Variants in INPP5D observed in about 807,000 individuals in gnomAD.
The protein encoded by INPP5D is phosphatidylinositol 3,4,5-trisphosphate 5-phosphatase 1.
A neutral mutation model predicts 122.9 loss-of-function variants in INPP5D; 33 were observed. That is an observed-to-expected ratio of 0.27 (90% CI 0.20 to 0.36). The LOEUF is 0.36. Among genes scored for constraint, INPP5D ranks in the 10% least tolerant of loss-of-function variants. The probability of loss-of-function intolerance (pLI) is 1.00; values close to 1 mark genes in which losing one functional copy is unlikely to be tolerated. For synonymous variants in INPP5D, 584 were observed against 576.2 expected (o/e 1.01, Z -0.19); for missense variants, 1,053 against 1,412.7 (o/e 0.75, Z 4.08).
At chr2:233,192,846 A>G (rs1695087039) in intron 22 of INPP5D, among the ~76,000 whole-genome samples, 1 of 152,234 alleles carries the variant, frequency 6.6e-6, no homozygotes, top group African/African-American at 2.4e-5. Context: ...ACTGATTGCC[A>G]TAAAGGCTGT....
rs1392015709 is a variant in INPP5D, at chr2:233,170,989, C to G, written c.1901-75C>G. On this transcript the variant is annotated intron_variant, in intron 16 of 26. Coordinates refer to ENST00000445964, the MANE Select transcript of INPP5D (RefSeq NM_001017915.3). This position sits in a 1 kb window ranked among gnomAD's most constrained non-coding sequence, Gnocchi z 4.5. ...TCGTCCCCTTTCCCCTGATTTCCTA[C>G]CAGAAGAATAGGGAAAATTGGCCAG... The G allele has an allele frequency of 6.4e-7, 1 of 1,572,554 alleles. No individual in the cohort carries two copies. The highest frequency in any genetic ancestry group is 8.6e-7 in the Non-Finnish European group (1 of 1,157,536).
chr2:233,115,911 A>G (rs553528163), intron 2 of INPP5D, among the ~76,000 whole-genome samples: 2 of 152,286 alleles, frequency 1.3e-5, no homozygotes, highest in African/African-American at 4.8e-5. Context: ...AGGCACAGCA[A>G]CTATGACATG....
In INPP5D at chr2:233,189,838, T is replaced by C. The variant is rs764376478; in HGVS notation, c.2359-12T>C. The C allele has an allele frequency of 7.4e-6, 12 of 1,612,494 alleles. No individual in the cohort carries two copies. Among genetic ancestry groups the C allele is most frequent in the Non-Finnish European group, 1.0e-5 (12 of 1,179,180 alleles). ...GCCCATCAACTCCAGTCCTGTGCCCTTCTCTCTGCAGCTGAAGCCCATTAT... is the reference window on the plus strand; with the variant it reads ...GCCCATCAACTCCAGTCCTGTGCCCCTCTCTCTGCAGCTGAAGCCCATTAT... On this transcript the variant is annotated splice_polypyrimidine_tract_variant and intron_variant, in intron 21 of 26. Coordinates refer to ENST00000445964, the MANE Select transcript of INPP5D (RefSeq NM_001017915.3). This position sits in a 1 kb window ranked among gnomAD's most constrained non-coding sequence, Gnocchi z 5.6.
rs28593218 is a variant in INPP5D at position 233,160,891 on chromosome 2, T to C, written c.1138-833T>C. Among the ~76,000 whole-genome samples the C allele has an allele frequency of 0.21, 31,552 of 152,104 alleles. 3,397 individuals are homozygous for C. Among genetic ancestry groups the C allele is most frequent in the East Asian group, 0.32 (1,670 of 5,166 alleles). ...ATCAAACAATCCTTCTGCCTCAGCC[T>C]CCCAAAGTCCTGGGATTACAGGCAT... On this transcript the variant is annotated intron_variant, in intron 10 of 26. Transcript: ENST00000445964. The surrounding 1 kb of genome is among the most constrained non-coding windows in gnomAD (Gnocchi z 4.2).
At chr2:233,148,095 G>T (rs1693817467) in intron 9 of INPP5D, among the ~76,000 whole-genome samples, 1 of 152,206 alleles carries the variant, frequency 6.6e-6, no homozygotes, top group Non-Finnish European at 1.5e-5. Context: ...TAGATTCTGA[G>T]AACCATCAAA....
chr2:233,079,256 C>A, intron 1 of INPP5D, 79 bp from the exon 2 acceptor site: 1 of 887,908 alleles, frequency 1.1e-6, no homozygotes, highest in Non-Finnish European at 1.9e-6. Context: ...CAAGCTGTGT[C>A]AGGAAGTCTT....
At chr2:233,113,990 A>C (rs997820276) in intron 2 of INPP5D, among the ~76,000 whole-genome samples, 1 of 148,098 alleles carries the variant, frequency 6.8e-6, no homozygotes, top group Admixed American at 6.8e-5. Flanking sequence ...AGCTCACTGC[A>C]AGCTCCGCCT....
intron 1 of INPP5D, among the ~76,000 whole-genome samples, chr2:233,061,731 G>A (rs557448372): frequency 2.0e-5 from 3 of 152,200 alleles, no homozygotes; most frequent in Non-Finnish European, 4.4e-5. Flanking sequence ...AGAAATCTGA[G>A]GCCCTGGCAG....
intron 2 of INPP5D, among the ~76,000 whole-genome samples, chr2:233,106,987 T>C (rs1038500871): frequency 5.9e-5 from 9 of 152,206 alleles, no homozygotes; most frequent in African/African-American, 2.2e-4. Flanking sequence ...AAGCACTTTC[T>C]AAGCTGCTTG....
At position 233,128,259 on chromosome 2, in the gene INPP5D, C is replaced by A. The variant is rs1693220463; in HGVS notation, c.525-2249C>A. Reference sequence around the variant, plus strand: ...CCTCCCACAACCATCCCCCCACCACCCATCCGTGGAATAATTGTCTTCCAC... The same window carrying A: ...CCTCCCACAACCATCCCCCCACCACACATCCGTGGAATAATTGTCTTCCAC... On this transcript the variant is annotated intron_variant, in intron 4 of 26. Transcript: ENST00000445964. The surrounding 1 kb of genome is among the most constrained non-coding windows in gnomAD (Gnocchi z 4.5). 6.6e-6 allele frequency among the ~76,000 whole-genome samples: 1 copy of A among 152,164 alleles called. No individual in the cohort carries two copies. Among genetic ancestry groups the A allele is most frequent in the African/African-American group, 2.4e-5 (1 of 41,408 alleles).
chr2:233,193,841 G>C lies in INPP5D; in HGVS notation c.2476G>C (p.Ala826Pro). The C allele has an allele frequency of 6.2e-7, 1 of 1,613,784 alleles. No homozygotes were observed. Among genetic ancestry groups the C allele is most frequent in the Non-Finnish European group, 8.5e-7 (1 of 1,179,844 alleles). ...GGGCTGCATTGCCCTTCGGTTAGAGGCCACAGAAACGCAGCTGCCCATCTA... is the reference window on the plus strand; with the variant it reads ...GGGCTGCATTGCCCTTCGGTTAGAGCCCACAGAAACGCAGCTGCCCATCTA... ...GEGCIALRLE[A>P]TETQLPIYTP... is the part of the protein sequence containing the mutation. Residue 826 changes from alanine to proline, a missense_variant, in exon 23 of 27, where the codon GCC (alanine) becomes CCC (proline). By Grantham distance (27) the Ala-to-Pro change is conservative. This residue lies in a region of INPP5D where 258 missense variants were observed against 439.1 expected (regional missense o/e 0.59). Transcript: ENST00000445964.
chr2:233,195,555 A>T (rs1695161430), intron 24 of INPP5D, 60 bp downstream of exon 24: 1 of 1,609,138 alleles, frequency 6.2e-7, no homozygotes, highest in African/African-American at 1.3e-5. Context: ...ATGACAAATT[A>T]GCATGGTTTG....
At chr2:233,130,178 A>G (rs762417739) in intron 4 of INPP5D, among the ~76,000 whole-genome samples, 2 of 152,180 alleles carry the variant, frequency 1.3e-5, no homozygotes, top group Non-Finnish European at 2.9e-5. Context: ...TACAGTTGTG[A>G]GCCACCATGC....
intron 24 of INPP5D, among the ~76,000 whole-genome samples, chr2:233,196,559 C>T (rs902586721): frequency 3.3e-5 from 5 of 152,318 alleles, no homozygotes; most frequent in African/African-American, 1.2e-4. Context: ...CCCACCCTAT[C>T]CACTAGCAAG....
At chr2:233,089,061 G>T in intron 2 of INPP5D, among the ~76,000 whole-genome samples, 1 of 152,210 alleles carries the variant, frequency 6.6e-6, no homozygotes, top group South Asian at 2.1e-4. Context: ...GTTGTCCTGT[G>T]CCTGCTCACT....
chr2:233,067,942 C>T (rs1280242179), intron 1 of INPP5D, among the ~76,000 whole-genome samples: 1 of 152,122 alleles, frequency 6.6e-6, no homozygotes, highest in Non-Finnish European at 1.5e-5. Flanking sequence ...ACATTTACAG[C>T]CCAAGTCCAG....
chr2:233,194,927 G>A (rs944345876), intron 23 of INPP5D, among the ~76,000 whole-genome samples: 1 of 151,704 alleles, frequency 6.6e-6, no homozygotes, highest in Admixed American at 6.6e-5. Context: ...CCACCTTCCC[G>A]AGTAGCTGGG....
Position 233,183,621 on chromosome 2 carries a change from C to T in INPP5D, c.2162-787C>T, listed in dbSNP as rs1694837220. 6.6e-6 allele frequency among the ~76,000 whole-genome samples: 1 copy of T among 152,208 alleles called. No individual in the cohort carries two copies. The highest frequency in any genetic ancestry group is 2.1e-4 in the South Asian group (1 of 4,832). On this transcript the variant is annotated intron_variant, in intron 19 of 26. Coordinates refer to ENST00000445964, the MANE Select transcript of INPP5D (RefSeq NM_001017915.3). This position sits in a 1 kb window ranked among gnomAD's most constrained non-coding sequence, Gnocchi z 4.6. ...CCTCTATTCCGGGGTAGGGCATCCTCCATGTCAGGCTGGGCTTCCCTCCAC... is the reference window on the plus strand; with the variant it reads ...CCTCTATTCCGGGGTAGGGCATCCTTCATGTCAGGCTGGGCTTCCCTCCAC...
intron 22 of INPP5D, among the ~76,000 whole-genome samples, chr2:233,190,709 C>T (rs572529029): frequency 4.6e-5 from 7 of 152,356 alleles, no homozygotes; most frequent in African/African-American, 1.7e-4. Context: ...CAGGCTCACC[C>T]TTGCTAGACC....
Sources: allele counts gnomAD v4.1 joint callset (sites outside exome capture counted in the v4.1 genomes callset), GRCh38; gene constraint gnomAD v4.1.1; regional missense constraint gnomAD v4.1.1; non-coding constraint Gnocchi (gnomAD v3.1); transcripts MANE v1.5; gene names NCBI Gene and HGNC (gene_info 2026-07-23, HGNC 2026-07-21).